Variants in MTO1 observed in about 807,000 individuals in gnomAD.
MTO1 encodes the protein 5-taurinomethyluridine-[tRNA] synthase subunit MTO1, mitochondrial.
MTO1 carries 46 observed loss-of-function variants against 71.6 expected under a neutral mutation model. The observed-to-expected ratio is 0.64, with a 90% CI of 0.51 to 0.82. The LOEUF (loss-of-function observed/expected upper bound fraction) is 0.82, where lower values mean the gene tolerates loss of function less well. Ranked by LOEUF, MTO1 falls within the 40% of genes least tolerant of loss-of-function variation. The probability of loss-of-function intolerance (pLI) is 0.00; values close to 1 mark genes in which losing one functional copy is unlikely to be tolerated. For synonymous variants in MTO1, 297 were observed against 312.1 expected, an observed-to-expected ratio of 0.95 and a Z score of 0.51; for missense variants, 773 against 867.5, an observed-to-expected ratio of 0.89 and a Z score of 1.37.
chr6:73,483,214 G>A (rs2150038038), intron 9 of MTO1, among the ~76,000 whole-genome samples: 1 of 152,164 alleles, frequency 6.6e-6, no homozygotes, highest in East Asian at 1.9e-4. Context: ...TTTGAGACCT[G>A]CCTGGCCAAT....
At chr6:73,471,696 T>G (rs1004028147) in intron 3 of MTO1, 7 of 164,112 alleles carry the variant, frequency 4.3e-5, no homozygotes, top group Non-Finnish European at 9.3e-5. Flanking sequence ...CATATTATAG[T>G]CATGAGCCAC....
chr6:73,464,740 C>A (rs1770928558), intron 1 of MTO1, among the ~76,000 whole-genome samples: 2 of 145,902 alleles, frequency 1.4e-5, no homozygotes, highest in Non-Finnish European at 3.0e-5. Context: ...GAGGCTGAGG[C>A]AGGAGAATCA....
At chr6:73,474,501 C>T (rs182386429) in intron 4 of MTO1, among the ~76,000 whole-genome samples, 11 of 152,014 alleles carry the variant, frequency 7.2e-5, no homozygotes, top group Non-Finnish European at 1.6e-4. Flanking sequence ...CCTGCTGGAG[C>T]GCAATGGTGA....
intron 9 of MTO1, among the ~76,000 whole-genome samples, chr6:73,488,508 T>TA (rs1771718079): frequency 2.0e-5 from 3 of 152,194 alleles, no homozygotes; most frequent in Non-Finnish European, 4.4e-5. Flanking sequence ...TCTTTATGTA[T>TA]ACTGGATATT....
At chr6:73,493,702 A>ATG (rs1166377943) in intron 10 of MTO1, among the ~76,000 whole-genome samples, 2 of 151,488 alleles carry the variant, frequency 1.3e-5, no homozygotes, top group Admixed American at 6.6e-5. Context: ...ATATATATAT[A>ATG]TCTTTATATA....
rs974746752 is a variant in MTO1, at chr6:73,503,671, A to G, written c.*2936A>G. On this transcript the variant is annotated 3_prime_UTR_variant, in exon 12 of 12. Coordinates refer to ENST00000498286, the MANE Select transcript of MTO1 (RefSeq NM_012123.4). ...CTATTCACCACAGACCAGACTGCCT[A>G]CCAGTTGAAAAAGCCAGGTATTTTT... 4 of 152,216 alleles carry G rather than the reference A, an allele frequency of 2.6e-5. No homozygotes were observed. The highest frequency in any genetic ancestry group is 4.4e-5 in the Non-Finnish European group (3 of 68,044). 9.4% of individuals were successfully genotyped at this position (152,216 alleles called of 1,614,324 possible). A position where few individuals can be genotyped will look rare whatever the true frequency, so the allele number is the denominator to read the frequency against.
Position 73,500,857 on chromosome 6 carries a change from T to G in MTO1, c.*122T>G. 1 of 863,512 alleles carries G rather than the reference T, an allele frequency of 1.2e-6. No individual in the cohort carries two copies. Among genetic ancestry groups the G allele is most frequent in the South Asian group, 4.1e-5 (1 of 24,256 alleles). The allele number at this position is 863,512 out of a possible 1,614,324, so 53.5% of individuals were successfully genotyped here. A position where few individuals can be genotyped will look rare whatever the true frequency, so the allele number is the denominator to read the frequency against. Reference sequence around the variant, plus strand: ...TTATTAGGTTACTATGGGTTTGCCATTAATTTCTGAGTGGGACAGAAATTA... The same window carrying G: ...TTATTAGGTTACTATGGGTTTGCCAGTAATTTCTGAGTGGGACAGAAATTA... On this transcript the variant is annotated 3_prime_UTR_variant, in exon 12 of 12. Transcript: ENST00000498286.
intron 1 of MTO1, among the ~76,000 whole-genome samples, chr6:73,465,526 C>A (rs967201609): frequency 1.3e-5 from 2 of 151,880 alleles, no homozygotes; most frequent in African/African-American, 4.8e-5. Flanking sequence ...GGACTTCTTA[C>A]AAGTGTGCTT....
chr6:73,466,772 C>T (rs1249583810), intron 3 of MTO1, among the ~76,000 whole-genome samples, 166 bp downstream of exon 3: 1 of 152,158 alleles, frequency 6.6e-6, no homozygotes, highest in African/African-American at 2.4e-5. Context: ...CTCTTTTCAT[C>T]TTGGCATTTA....
intron 9 of MTO1, among the ~76,000 whole-genome samples, chr6:73,488,749 A>C (rs1372018827): frequency 6.6e-6 from 1 of 151,702 alleles, no homozygotes; most frequent in Non-Finnish European, 1.5e-5. Context: ...TCTCTACCAA[A>C]AATACAAAAA....
Position 73,473,614 on chromosome 6 carries a change from C to G in MTO1, c.785C>G (p.Ser262Cys). 6.2e-7 allele frequency: 1 copy of G among 1,613,906 alleles called. No individual in the cohort carries two copies. The highest frequency in any genetic ancestry group is 8.5e-7 in the Non-Finnish European group (1 of 1,179,904). Reference protein sequence around the residue: ...ILNKHIPDNPSIPFSFTNETV... With the variant: ...ILNKHIPDNPCIPFSFTNETV... ...AACAAGCATATACCGGACAATCCATCCATACCATTCAGCTTTACCAATGAG... is the reference window on the plus strand; with the variant it reads ...AACAAGCATATACCGGACAATCCATGCATACCATTCAGCTTTACCAATGAG... The change falls in exon 4 of 12, where the codon TCC becomes TGC. Residue 262 changes from serine to cysteine, a missense_variant. By Grantham distance (112) the Ser-to-Cys change is moderately radical. Coordinates refer to ENST00000498286, the MANE Select transcript of MTO1 (RefSeq NM_012123.4).
At chr6:73,462,171 C>T (rs1770842964) in intron 1 of MTO1, 100 bp downstream of exon 1, 1 of 1,291,598 alleles carries the variant, frequency 7.7e-7, no homozygotes, top group Middle Eastern at 2.6e-4. Flanking sequence ...TTCCTCAAAG[C>T]TAGTGAGAAT....
chr6:73,471,421 T>C, intron 3 of MTO1: 1 of 451,546 alleles, frequency 2.2e-6, no homozygotes, highest in South Asian at 1.6e-5. Flanking sequence ...AATTGTTTAT[T>C]TTTTTATTTT....
rs1046892817 is a variant in MTO1, at chr6:73,501,786, C to G, written c.*1051C>G. 1.3e-5 allele frequency: 2 copies of G among 152,196 alleles called. No homozygotes were observed. The highest frequency in any genetic ancestry group is 2.9e-5 in the Non-Finnish European group (2 of 68,056). The allele number at this position is 152,196 out of a possible 1,614,324, so 9.4% of individuals were successfully genotyped here. A position where few individuals can be genotyped will look rare whatever the true frequency, so the allele number is the denominator to read the frequency against. On this transcript the variant is annotated 3_prime_UTR_variant, in exon 12 of 12. Transcript: ENST00000498286. ...TAGGGAGAAGCTCCCGTGTCACCTT[C>G]GGGCCAAAGCAGGTACTCAGGAGAG...
At position 73,478,408 on chromosome 6, in the gene MTO1, T is replaced by C. The variant is rs530707813; in HGVS notation, c.826-1324T>C. On this transcript the variant is annotated intron_variant, in intron 4 of 11. Transcript: ENST00000498286. ...CAGCCTGGGCAACATAATGAGACCC[T>C]GCCTGTACAAAAAAAAAATAATTGA... Among the ~76,000 whole-genome samples, 7 of 151,198 alleles carry C rather than the reference T, an allele frequency of 4.6e-5. No individual in the cohort carries two copies. In the South Asian group the frequency reaches 1.5e-3, roughly 32 times the overall value.
In MTO1 at chr6:73,480,722, T is replaced by C. The variant is rs1172201357; in HGVS notation, c.1177T>C (p.Ser393Pro). Residue 393 changes from serine to proline, a missense_variant, in exon 7 of 12, where the codon TCC (serine) becomes CCC (proline). Coordinates refer to ENST00000498286, the MANE Select transcript of MTO1 (RefSeq NM_012123.4). ...DYLDPRQITP[S>P]LETHLVQRLF... is the part of the protein sequence containing the mutation. ...CTTAGATCCCCGTCAGATCACCCCT[T>C]CCTTGGAGACTCATTTGGTTCAACG... 4 of 1,613,982 alleles carry C rather than the reference T, an allele frequency of 2.5e-6. No individual in the cohort carries two copies. Among genetic ancestry groups the C allele is most frequent in the Non-Finnish European group, 2.5e-6 (3 of 1,179,916 alleles).
chr6:73,471,550 GA>G, intron 3 of MTO1: 1 of 393,806 alleles, frequency 2.5e-6, no homozygotes, highest in Non-Finnish European at 4.9e-6. Flanking sequence ...GTGTAGCTGG[GA>G]CCACAGGCAT....
At chr6:73,483,269 C>T (rs1257597147) in intron 9 of MTO1, among the ~76,000 whole-genome samples, 7 of 151,806 alleles carry the variant, frequency 4.6e-5, no homozygotes, top group Non-Finnish European at 8.8e-5. Flanking sequence ...ATTAGCCGGG[C>T]GTGGTAGTGC....
Position 73,490,572 on chromosome 6 carries a change from A to G in MTO1, c.1638-1662A>G, listed in dbSNP as rs1234130915. ...TGGTCTATGTATCTGTCTTTGTGCC[A>G]GTACCATGCTGTTTTGATTACTGTA... On this transcript the variant is annotated intron_variant, in intron 9 of 11. Coordinates refer to ENST00000498286, the MANE Select transcript of MTO1 (RefSeq NM_012123.4). Among the ~76,000 whole-genome samples, 5 of 152,282 alleles carry G rather than the reference A, an allele frequency of 3.3e-5. No homozygotes were observed. The East Asian group carries it at 9.6e-4, about 29-fold the overall frequency.
Sources: allele counts gnomAD v4.1 joint callset (sites outside exome capture counted in the v4.1 genomes callset), GRCh38; gene constraint gnomAD v4.1.1; transcripts MANE v1.5; gene names NCBI Gene and HGNC (gene_info 2026-07-23, HGNC 2026-07-21).